The following GALNTL6 variants were observed in gnomAD, a reference collection of about 807,000 sequenced individuals.
GALNTL6 encodes the protein polypeptide N-acetylgalactosaminyltransferase like 6.
In GALNTL6, 46 loss-of-function variants were observed where a neutral mutation model predicts 73.7. The ratio of observed to expected loss-of-function variants is 0.62; its 90% CI spans 0.49 to 0.80. GALNTL6 has a LOEUF of 0.80. Ranked by LOEUF, GALNTL6 falls within the 30% of genes least tolerant of loss-of-function variation. The pLI, the probability that GALNTL6 is intolerant of heterozygous loss-of-function variation, is 0.00. For synonymous variants in GALNTL6, 259 were observed against 263.7 expected (o/e 0.98, Z 0.17); for missense variants, 604 against 755.0 (o/e 0.80, Z 2.34).
intron 2 of GALNTL6, among the ~76,000 whole-genome samples, chr4:171,897,604 C>T (rs748474969): frequency 2.6e-5 from 4 of 151,972 alleles, no homozygotes; most frequent in Non-Finnish European, 5.9e-5. Flanking sequence ...ATGTGGATCA[C>T]GAGGTCAGGA....
intron 5 of GALNTL6, among the ~76,000 whole-genome samples, chr4:172,721,320 G>A (rs1351840869): frequency 6.6e-6 from 1 of 152,166 alleles, no homozygotes; most frequent in Admixed American, 6.5e-5. Context: ...GTAAAGAGAA[G>A]GGGGCAGAAA....
intron 10 of GALNTL6, among the ~76,000 whole-genome samples, chr4:172,983,379 G>A (rs1579742151): frequency 6.6e-6 from 1 of 152,154 alleles, no homozygotes; most frequent in East Asian, 1.9e-4. Flanking sequence ...AGGAAACTAA[G>A]ACACCTTGTT....
chr4:172,825,118 CTTTCTTTCTTT>C (rs1742187978), intron 7 of GALNTL6, among the ~76,000 whole-genome samples: 15 of 80,532 alleles, frequency 1.9e-4, no homozygotes, highest in Non-Finnish European at 3.3e-4. Context: ...TTCTTTCTTT[CTTTCTTTCTTT>C]CTTCCTTTCT....
chr4:172,581,407 T>G (rs1737184442), intron 5 of GALNTL6, among the ~76,000 whole-genome samples: 1 of 152,136 alleles, frequency 6.6e-6, no homozygotes, highest in Non-Finnish European at 1.5e-5. Context: ...CTGACCTGTG[T>G]TTTCTCTGAA....
At chr4:172,889,098 T>C (rs1430682758) in intron 8 of GALNTL6, among the ~76,000 whole-genome samples, 1 of 152,214 alleles carries the variant, frequency 6.6e-6, no homozygotes, top group Admixed American at 6.5e-5. Context: ...CTAAATTTTG[T>C]ACATTGATTT....
At chr4:171,834,470 C>G (rs1228196690) in intron 2 of GALNTL6, among the ~76,000 whole-genome samples, 1 of 151,868 alleles carries the variant, frequency 6.6e-6, no homozygotes, top group African/African-American at 2.4e-5. Context: ...ATTGATTGGC[C>G]TGATAAATTT....
intron 5 of GALNTL6, among the ~76,000 whole-genome samples, chr4:172,587,997 G>A (rs1737485828): frequency 1.3e-5 from 2 of 152,180 alleles, no homozygotes; most frequent in African/African-American, 4.8e-5. Context: ...GTAGGCCCTC[G>A]AAAAATATTC....
chr4:172,652,807 G>C (rs1331376213), intron 5 of GALNTL6, among the ~76,000 whole-genome samples: 1 of 152,060 alleles, frequency 6.6e-6, no homozygotes, highest in African/African-American at 2.4e-5. Context: ...TTCTCAATTT[G>C]ATTCAATAGA....
intron 5 of GALNTL6, among the ~76,000 whole-genome samples, chr4:172,455,056 A>G (rs1220213005): frequency 6.6e-6 from 1 of 152,176 alleles, no homozygotes; most frequent in African/African-American, 2.4e-5. Context: ...GGTCCAGCCC[A>G]TGGAGGGTGA....
intron 2 of GALNTL6, among the ~76,000 whole-genome samples, chr4:171,999,841 G>A (rs1740619749): frequency 6.6e-6 from 1 of 152,204 alleles, no homozygotes; most frequent in East Asian, 1.9e-4. Flanking sequence ...GCAAAAAGGT[G>A]CAACTCTTAA....
At chr4:171,866,694 G>T (rs765685972) in intron 2 of GALNTL6, among the ~76,000 whole-genome samples, 8 of 152,164 alleles carry the variant, frequency 5.3e-5, no homozygotes, top group Non-Finnish European at 1.0e-4. Flanking sequence ...GTGCCAGCGG[G>T]GTCGGGTTCT....
intron 12 of GALNTL6, among the ~76,000 whole-genome samples, chr4:173,028,336 G>A (rs920915613): frequency 4.6e-5 from 7 of 152,196 alleles, no homozygotes; most frequent in Admixed American, 1.3e-4. Context: ...AGAAGGTGAA[G>A]CCTGGGTATT....
chr4:172,493,704 C>T (rs900753818), intron 5 of GALNTL6, among the ~76,000 whole-genome samples: 2 of 152,166 alleles, frequency 1.3e-5, no homozygotes, highest in Admixed American at 6.5e-5. Flanking sequence ...CAGTGAGTTC[C>T]GTGCTGCATT....
intron 8 of GALNTL6, among the ~76,000 whole-genome samples, chr4:172,918,679 A>G (rs1431571963): frequency 6.6e-6 from 1 of 152,208 alleles, no homozygotes; most frequent in Non-Finnish European, 1.5e-5. Flanking sequence ...GGTAGACTAT[A>G]TCGTGTAATC....
intron 5 of GALNTL6, among the ~76,000 whole-genome samples, chr4:172,441,325 T>C (rs1731830888): frequency 6.6e-6 from 1 of 152,126 alleles, no homozygotes; most frequent in South Asian, 2.1e-4. Flanking sequence ...AATCAAGAAA[T>C]ATTGGACAGT....
At chr4:172,794,971 T>C (rs1396375781) in intron 5 of GALNTL6, among the ~76,000 whole-genome samples, 1 of 152,152 alleles carries the variant, frequency 6.6e-6, no homozygotes, top group Non-Finnish European at 1.5e-5. Flanking sequence ...TTGGACAGAT[T>C]ACCAAGAACA....
intron 7 of GALNTL6, 68 bp downstream of exon 7, chr4:172,813,791 G>A: frequency 8.2e-7 from 1 of 1,216,722 alleles, no homozygotes; most frequent in Non-Finnish European, 1.1e-6. Flanking sequence ...TTAAACCTGG[G>A]CTCAAGAAGA....
intron 2 of GALNTL6, among the ~76,000 whole-genome samples, chr4:172,103,451 T>A (rs540921718): frequency 4.6e-5 from 7 of 152,272 alleles, no homozygotes; most frequent in Admixed American, 1.3e-4. Flanking sequence ...ATATATATAT[T>A]TTATAGTATT....
In GALNTL6 at chr4:172,758,219, A is replaced by G. The variant is rs569442679; in HGVS notation, c.554-51142A>G. On this transcript the variant is annotated intron_variant, in intron 5 of 12. Coordinates refer to ENST00000506823, the MANE Select transcript of GALNTL6 (RefSeq NM_001034845.3). ...TAAAAGACATTTCACTGAACTTAATATTATACAATTTTTTGTATAGTAATT... is the reference window on the plus strand; with the variant it reads ...TAAAAGACATTTCACTGAACTTAATGTTATACAATTTTTTGTATAGTAATT... Among the ~76,000 whole-genome samples, 26 of 152,346 alleles carry G rather than the reference A, an allele frequency of 1.7e-4. 1 individual carries two copies. The South Asian group carries it at 5.4e-3, about 32-fold the overall frequency.
Sources: gnomAD v4.1 joint callset for allele counts (sites outside exome capture counted in the v4.1 genomes callset) on GRCh38, gnomAD v4.1.1 for gene constraint, MANE v1.5 for transcripts, NCBI Gene and HGNC (gene_info 2026-07-23, HGNC 2026-07-21) for gene names.